Variants in MAP2K6 observed in about 807,000 individuals in gnomAD.
The protein encoded by MAP2K6 is dual specificity mitogen-activated protein kinase kinase 6.
In MAP2K6, 16 loss-of-function variants were observed where a neutral mutation model predicts 53.7. The ratio of observed to expected loss-of-function variants is 0.30; its 90% CI spans 0.20 to 0.45. The LOEUF is 0.45. Among genes scored for constraint, MAP2K6 ranks in the 20% least tolerant of loss-of-function variants. The pLI, the probability that MAP2K6 is intolerant of heterozygous loss-of-function variation, is 1.00. For missense variants in MAP2K6, 204 were observed against 411.9 expected, an observed-to-expected ratio of 0.50 and a Z score of 4.37; for synonymous variants, 132 against 143.1, an observed-to-expected ratio of 0.92 and a Z score of 0.55.
chr17:69,425,113 T>G (rs2145130895), intron 1 of MAP2K6, among the ~76,000 whole-genome samples: 1 of 152,226 alleles, frequency 6.6e-6, no homozygotes, highest in African/African-American at 2.4e-5. Context: ...TTGCAGCCCC[T>G]TTTTGGCTTA....
intron 1 of MAP2K6, among the ~76,000 whole-genome samples, chr17:69,489,622 A>T (rs1010853839): frequency 6.6e-6 from 1 of 152,238 alleles, no homozygotes; most frequent in African/African-American, 2.4e-5. Flanking sequence ...TTTTCACTTT[A>T]AGGGTTACGT....
chr17:69,528,887 A>T (rs2521364), intron 10 of MAP2K6, among the ~76,000 whole-genome samples: 2 of 132,862 alleles, frequency 1.5e-5, no homozygotes, highest in East Asian at 2.2e-4. Context: ...AAAAAAAAAA[A>T]AGATGAGGCA....
intron 1 of MAP2K6, among the ~76,000 whole-genome samples, chr17:69,417,112 G>A (rs1032519270): frequency 6.6e-6 from 1 of 152,132 alleles, no homozygotes; most frequent in African/African-American, 2.4e-5. Context: ...GTTCTTGTCC[G>A]AAAGGAAAAT....
chr17:69,517,019 C>T (rs1172721280), intron 3 of MAP2K6, 116 bp downstream of exon 3: 4 of 785,934 alleles, frequency 5.1e-6, no homozygotes, highest in Non-Finnish European at 4.2e-6. Flanking sequence ...AAAAAGTTTG[C>T]ATTTAAAGGG....
In MAP2K6 at chr17:69,435,991, G is replaced by A. The variant is rs142278219; in HGVS notation, c.16+20991G>A. ...CCGAAAAAACAATAATTTCAAATATGTTCCAATCATTTGGAATCGATTTAA... is the reference window on the plus strand; with the variant it reads ...CCGAAAAAACAATAATTTCAAATATATTCCAATCATTTGGAATCGATTTAA... On this transcript the variant is annotated intron_variant, in intron 1 of 11. Coordinates refer to ENST00000590474, the MANE Select transcript of MAP2K6 (RefSeq NM_002758.4). Among the ~76,000 whole-genome samples the A allele has an allele frequency of 2.0e-3, 293 of 149,182 alleles. 1 individual carries two copies. Among genetic ancestry groups the A allele is most frequent in the African/African-American group, 7.0e-3 (279 of 39,930 alleles).
chr17:69,448,649 C>T (rs975758650), intron 1 of MAP2K6, among the ~76,000 whole-genome samples: 1 of 152,028 alleles, frequency 6.6e-6, no homozygotes, highest in Non-Finnish European at 1.5e-5. Flanking sequence ...CCCTGTGGCT[C>T]ACTCTTTTAG....
intron 2 of MAP2K6, among the ~76,000 whole-genome samples, chr17:69,516,300 C>T (rs1477958237): frequency 6.6e-6 from 1 of 151,676 alleles, no homozygotes; most frequent in Admixed American, 6.6e-5. Context: ...AACATATATC[C>T]CTTGTATACA....
chr17:69,487,996 G>T (rs527330585), intron 1 of MAP2K6, among the ~76,000 whole-genome samples: 1 of 152,218 alleles, frequency 6.6e-6, no homozygotes, highest in East Asian at 1.9e-4. Context: ...TATAGCAAAA[G>T]AAACTAACAC....
chr17:69,452,989 A>G (rs545660361), intron 1 of MAP2K6, among the ~76,000 whole-genome samples: 3 of 152,362 alleles, frequency 2.0e-5, no homozygotes, highest in African/African-American at 4.8e-5. Flanking sequence ...GACAGCCTCA[A>G]CCAGGTGCTC....
intron 1 of MAP2K6, among the ~76,000 whole-genome samples, chr17:69,461,670 G>T (rs1907627094): frequency 6.6e-6 from 1 of 152,142 alleles, no homozygotes; most frequent in Non-Finnish European, 1.5e-5. Flanking sequence ...CCCCCAGGGA[G>T]CTGCGATTTA....
chr17:69,523,644 A>G lies in MAP2K6; in HGVS notation c.663+3A>G, dbSNP rs1244547435. The G allele has an allele frequency of 6.2e-7, 1 of 1,613,878 alleles. No individual in the cohort carries two copies. The highest frequency in any genetic ancestry group is 1.1e-5 in the South Asian group (1 of 91,078). ...CAGGTTGCAAACCATACATGGCCGT[A>G]AGTACATTAGCTAGGGTGGCATCTG... On this transcript the variant is annotated splice_donor_region_variant and intron_variant, in intron 8 of 11. Transcript: ENST00000590474.
At chr17:69,502,018 T>C (rs902317786) in intron 1 of MAP2K6, 3 of 323,834 alleles carry the variant, frequency 9.3e-6, no homozygotes, top group African/African-American at 4.5e-5. Context: ...AGCTGGAAAC[T>C]GACCACATAT....
intron 8 of MAP2K6, 133 bp downstream of exon 8, chr17:69,523,774 T>G: frequency 8.7e-7 from 1 of 1,153,028 alleles, no homozygotes; most frequent in Non-Finnish European, 1.2e-6. Context: ...CCTCTTAGTA[T>G]TTCTTCAAAA....
chr17:69,490,342 T>C (rs1039053885), intron 1 of MAP2K6, among the ~76,000 whole-genome samples: 4 of 152,234 alleles, frequency 2.6e-5, no homozygotes, highest in Non-Finnish European at 4.4e-5. Context: ...TGCCTTCTTA[T>C]ATTGTCAAAT....
chr17:69,536,397 T>C (rs921514708), intron 11 of MAP2K6, among the ~76,000 whole-genome samples: 3 of 152,208 alleles, frequency 2.0e-5, no homozygotes, highest in African/African-American at 7.2e-5. Context: ...AAACCTGTCA[T>C]GATACAGAGC....
intron 2 of MAP2K6, among the ~76,000 whole-genome samples, chr17:69,507,592 G>T (rs1909576603): frequency 6.6e-6 from 1 of 151,808 alleles, no homozygotes; most frequent in African/African-American, 2.4e-5. Flanking sequence ...CTCTTTTTGA[G>T]ATTTTTTTTT....
rs369724290 is a variant in MAP2K6, at chr17:69,551,197, G to T, written c.*9444G>T. 1 of 152,182 alleles carries T rather than the reference G, an allele frequency of 6.6e-6. No individual in the cohort carries two copies. The highest frequency in any genetic ancestry group is 1.5e-5 in the Non-Finnish European group (1 of 68,038). 9.4% of individuals were successfully genotyped at this position (152,182 alleles called of 1,614,324 possible). A position where few individuals can be genotyped will look rare whatever the true frequency, so the allele number is the denominator to read the frequency against. On this transcript the variant is annotated 3_prime_UTR_variant, in exon 12 of 12. Transcript: ENST00000590474. ...TGCAGAGGCAGGAGTTACCGTTTTT[G>T]TTCATTGACCTATCAGAAAAAAGCA...
intron 1 of MAP2K6, among the ~76,000 whole-genome samples, chr17:69,495,654 C>T (rs1384109681): frequency 6.6e-6 from 1 of 151,944 alleles, no homozygotes; most frequent in Admixed American, 6.6e-5. Context: ...TATCTCTATC[C>T]CCCACTCTGC....
At chr17:69,437,705 G>A (rs553993006) in intron 1 of MAP2K6, among the ~76,000 whole-genome samples, 1 of 152,280 alleles carries the variant, frequency 6.6e-6, no homozygotes, top group East Asian at 1.9e-4. Context: ...ATCACAGAAG[G>A]AAGCCCTGTA....
Sources: allele counts gnomAD v4.1 joint callset (sites outside exome capture counted in the v4.1 genomes callset), GRCh38; gene constraint gnomAD v4.1.1; transcripts MANE v1.5; gene names NCBI Gene and HGNC (gene_info 2026-07-23, HGNC 2026-07-21).